Variants in CNBD2 observed in about 807,000 individuals in gnomAD.
CNBD2 encodes cyclic nucleotide-binding domain-containing protein 2.
In CNBD2, 64 loss-of-function variants were observed where a neutral mutation model predicts 63.7. The observed-to-expected ratio is 1.00, with a 90% confidence interval of 0.82 to 1.24. The LOEUF is 1.24. Among genes scored for constraint, CNBD2 ranks in the 50% most tolerant of loss-of-function variants. The pLI is 0.00. For synonymous variants in CNBD2, 229 were observed against 255.4 expected, an observed-to-expected ratio of 0.90 and a Z score of 0.99; for missense variants, 691 against 713.5, an observed-to-expected ratio of 0.97 and a Z score of 0.36.
rs779913102 is a variant in CNBD2 at position 36,023,704 on chromosome 20, T to C, written c.1372T>C (p.Tyr458His). ...ELIRIRKEIFYELIDNDDEMI... is the reference protein window; with the variant it reads ...ELIRIRKEIFHELIDNDDEMI... ...GATACGGATAAGGAAGGAAATATTT[T>C]ATGAACTGATTGACAATGATGACGA... The change falls in exon 11 of 12, where the codon TAT becomes CAT. Residue 458 changes from tyrosine (Y) to histidine (H), a missense_variant. Physicochemically the swap from Tyr to His is moderately conservative, Grantham distance 83. Coordinates refer to ENST00000373973, the MANE Select transcript of CNBD2 (RefSeq NM_001365709.1). 1 of 1,613,940 alleles carries C rather than the reference T, an allele frequency of 6.2e-7. No individual in the cohort carries two copies. Among genetic ancestry groups the C allele is most frequent in the South Asian group, 1.1e-5 (1 of 91,052 alleles).
chr20:36,022,154 ACCGGCCACC>A (rs1486851470), intron 10 of CNBD2, among the ~76,000 whole-genome samples: 5 of 137,156 alleles, frequency 3.6e-5, no homozygotes, highest in Admixed American at 1.5e-4. Context: ...GATTACAGGC[ACCGGCCACC>A]ATCACCATGC....
chr20:36,017,497 C>A (rs2057151384), intron 10 of CNBD2, among the ~76,000 whole-genome samples: 1 of 152,118 alleles, frequency 6.6e-6, no homozygotes, highest in Non-Finnish European at 1.5e-5. Context: ...CTAGCACAGC[C>A]CTCTGTCAAT....
intron 7 of CNBD2, among the ~76,000 whole-genome samples, chr20:35,994,329 T>C (rs1335255545): frequency 6.6e-6 from 1 of 151,970 alleles, no homozygotes; most frequent in Non-Finnish European, 1.5e-5. Context: ...CCTCCCAAAG[T>C]GCTAGGATTA....
At chr20:36,027,217 T>C (rs974428758) in intron 11 of CNBD2, among the ~76,000 whole-genome samples, 9 of 152,224 alleles carry the variant, frequency 5.9e-5, no homozygotes, top group Admixed American at 6.5e-5. Flanking sequence ...CTTGCGGTGA[T>C]ATTGTGGTCA....
intron 10 of CNBD2, among the ~76,000 whole-genome samples, chr20:36,016,330 A>G (rs766434828): frequency 9.9e-5 from 15 of 152,238 alleles, no homozygotes; most frequent in Non-Finnish European, 2.1e-4. Flanking sequence ...GAAACAGGAA[A>G]TCTAAGCAAC....
Position 35,995,082 on chromosome 20 carries a change from T to G in CNBD2, c.900T>G (p.Pro300=). The change falls in exon 8 of 12, where the codon CCT becomes CCG. Residue 300 remains proline, a synonymous_variant. Coordinates refer to ENST00000373973, the MANE Select transcript of CNBD2 (RefSeq NM_001365709.1). The stretch of plus-strand genomic sequence containing the variant: ...GGCTGTTGGACCTTGGGGCCTCCCC[T>G]TCCTACCGTAGATGGATCTGGCAGC... ...VLRLLDLGAS[P]SYRRWIWQHL... The G allele has an allele frequency of 1.9e-6, 3 of 1,614,130 alleles. No individual in the cohort carries two copies. The highest frequency in any genetic ancestry group is 2.5e-6 in the Non-Finnish European group (3 of 1,179,994).
intron 10 of CNBD2, among the ~76,000 whole-genome samples, chr20:36,023,010 G>A (rs549277232): frequency 6.6e-6 from 1 of 152,198 alleles, no homozygotes; most frequent in African/African-American, 2.4e-5. Flanking sequence ...AAAACAAAAA[G>A]CTGTAATTGG....
At chr20:35,957,307 C>T (rs543402376), downstream of CNBD2, among the ~76,000 whole-genome samples, 29 of 152,302 alleles carry the variant, frequency 1.9e-4, no homozygotes, top group South Asian at 5.2e-3. Context: ...CAGTAGTTGG[C>T]CGGGCGCGGT....
At chr20:36,009,224 T>A (rs2057024477) in intron 9 of CNBD2, among the ~76,000 whole-genome samples, 1 of 149,630 alleles carries the variant, frequency 6.7e-6, no homozygotes, top group African/African-American at 2.4e-5. Flanking sequence ...TTTTTTGAGA[T>A]GGAGTCTTGC....
chr20:35,995,787 T>G (rs1489743860), intron 8 of CNBD2, among the ~76,000 whole-genome samples: 1 of 152,246 alleles, frequency 6.6e-6, no homozygotes, highest in African/African-American at 2.4e-5. Context: ...ATTACCTATA[T>G]GCCTAGGAGT....
chr20:35,954,418 C>T, upstream of CNBD2: 1 of 1,551,538 alleles, frequency 6.4e-7, no homozygotes, highest in South Asian at 1.2e-5. Context: ...GAGTCGGACT[C>T]GGGACCGGCC....
At chr20:36,000,509 C>T (rs2440939) in intron 8 of CNBD2, among the ~76,000 whole-genome samples, 5,413 of 151,970 alleles carry the variant, frequency 0.036, 340 homozygotes, top group African/African-American at 0.12. Flanking sequence ...CCTGAATAGC[C>T]GGGACTACAG....
chr20:36,008,994 C>A (rs772011921), intron 9 of CNBD2, among the ~76,000 whole-genome samples: 5 of 151,846 alleles, frequency 3.3e-5, no homozygotes, highest in African/African-American at 7.3e-5. Context: ...TGTTGCAAGC[C>A]AGCAATTAAA....
intron 1 of CNBD2, among the ~76,000 whole-genome samples, chr20:35,969,294 G>T (rs1568847383): frequency 6.6e-6 from 1 of 152,144 alleles, no homozygotes; most frequent in Non-Finnish European, 1.5e-5. Context: ...TTACATATCA[G>T]AATAGTGCTT....
Position 35,987,459 on chromosome 20 carries a change from A to C in CNBD2, c.781A>C (p.Ile261Leu). ...CTGGCAGCTGGTAGCCATGGCGAAG[A>C]TAGAGAGGTTCTCGTATGGGCAGCT... is the stretch of plus-strand genomic sequence containing the variant. ...KLWQLVAMAKIERFSYGQLIS... is the reference protein window; with the variant it reads ...KLWQLVAMAKLERFSYGQLIS... The change falls in exon 7 of 12, where the codon ATA (isoleucine) becomes CTA (leucine). Residue 261 changes from isoleucine to leucine, a missense_variant. Coordinates refer to ENST00000373973, the MANE Select transcript of CNBD2 (RefSeq NM_001365709.1). The C allele has an allele frequency of 6.2e-7, 1 of 1,614,208 alleles. No homozygotes were observed. Among genetic ancestry groups the C allele is most frequent in the Non-Finnish European group, 8.5e-7 (1 of 1,180,028 alleles).
chr20:35,992,951 G>A (rs1001871994), intron 7 of CNBD2, among the ~76,000 whole-genome samples: 2 of 151,982 alleles, frequency 1.3e-5, no homozygotes, highest in African/African-American at 4.8e-5. Flanking sequence ...ACACCCCTGG[G>A]ACCTCAGAAA....
intron 10 of CNBD2, among the ~76,000 whole-genome samples, chr20:36,019,216 C>A (rs921638210): frequency 6.6e-6 from 1 of 151,938 alleles, no homozygotes. Context: ...TAAGCTGAGA[C>A]CTGAATGATG....
At chr20:35,974,047 G>A (rs2056463752) in intron 2 of CNBD2, 1 of 153,144 alleles carries the variant, frequency 6.5e-6, no homozygotes, top group Admixed American at 6.5e-5. Context: ...GGCTGGTGAT[G>A]GGGGAAGGAA....
chr20:35,975,983 T>A lies in CNBD2; in HGVS notation c.224T>A (p.Met75Lys). 1 of 1,613,102 alleles carries A rather than the reference T, an allele frequency of 6.2e-7. No individual in the cohort carries two copies. Among genetic ancestry groups the A allele is most frequent in the Non-Finnish European group, 8.5e-7 (1 of 1,179,180 alleles). ...CAAAGCCGAGTCACATTTGATACCA[T>A]GGACTTCATTGCAGAGGAGGTATGC... ...KMQSRVTFDTMDFIAEEGHFP... is the reference protein window; with the variant it reads ...KMQSRVTFDTKDFIAEEGHFP... The change falls in exon 3 of 12, where the codon ATG (methionine) becomes AAG (lysine). Residue 75 changes from methionine to lysine, a missense_variant. Physicochemically the swap from Met to Lys is moderately conservative, Grantham distance 95 (BLOSUM62 -1). Coordinates refer to ENST00000373973, the MANE Select transcript of CNBD2 (RefSeq NM_001365709.1).
Sources: allele counts gnomAD v4.1 joint callset (sites outside exome capture counted in the v4.1 genomes callset), GRCh38; gene constraint gnomAD v4.1.1; transcripts MANE v1.5; gene names NCBI Gene and HGNC (gene_info 2026-07-23, HGNC 2026-07-21).